CARNMT1: variants seen among roughly 807,000 people sequenced by gnomAD.
CARNMT1 encodes carnosine N-methyltransferase 1.
A neutral mutation model predicts 49.6 loss-of-function variants in CARNMT1; 28 were observed. The ratio of observed to expected loss-of-function variants is 0.56; its 90% confidence interval spans 0.42 to 0.77. The LOEUF is 0.77. Among genes scored for constraint, CARNMT1 ranks in the 30% least tolerant of loss-of-function variants. The pLI is 0.00. For missense variants in CARNMT1, 421 were observed against 512.6 expected (o/e 0.82, Z 1.73); for synonymous variants, 178 against 175.0 (o/e 1.02, Z -0.13).
rs745980129 is a variant in CARNMT1, at chr9:74,985,028, T to A, written c.1025-18A>T. 8 of 1,542,204 alleles carry A rather than the reference T, an allele frequency of 5.2e-6. No homozygotes were observed. The highest frequency in any genetic ancestry group is 7.2e-6 in the Non-Finnish European group (8 of 1,114,880). ...CAGAGGACCTATGGTTTAAAGATAC[T>A]ATGAATTACTTGAATATAAACATAC... On this transcript the variant is annotated intron_variant, in intron 6 of 7. Coordinates refer to ENST00000376834, the MANE Select transcript of CARNMT1 (RefSeq NM_152420.3).
At chr9:75,008,132 C>T (rs1490720533) in intron 3 of CARNMT1, among the ~76,000 whole-genome samples, 1 of 134,168 alleles carries the variant, frequency 7.5e-6, no homozygotes, top group Non-Finnish European at 1.5e-5. Flanking sequence ...TTGTCTTGGG[C>T]CACACATAAA....
At chr9:75,016,905 G>T in intron 2 of CARNMT1, 1 of 342,904 alleles carries the variant, frequency 2.9e-6, no homozygotes. Flanking sequence ...AACAGCAATA[G>T]ATACAAGACA....
chr9:75,013,672 A>T (rs1421630869), intron 3 of CARNMT1, among the ~76,000 whole-genome samples: 3 of 152,146 alleles, frequency 2.0e-5, no homozygotes, highest in Non-Finnish European at 4.4e-5. Flanking sequence ...TGTATGCTAT[A>T]TTATCTTTTG....
chr9:75,027,940 C>A, intron 1 of CARNMT1, 72 bp downstream of exon 1: 1 of 1,448,834 alleles, frequency 6.9e-7, no homozygotes, highest in African/African-American at 1.5e-5. Context: ...CGAGCGCCCC[C>A]GTTCCGGCGG....
At chr9:75,010,630 A>C (rs1002930531) in intron 3 of CARNMT1, among the ~76,000 whole-genome samples, 15 of 152,226 alleles carry the variant, frequency 9.9e-5, no homozygotes, top group African/African-American at 3.6e-4. Flanking sequence ...AGAAAGAAGT[A>C]GAGGAAATGA....
intron 3 of CARNMT1, among the ~76,000 whole-genome samples, chr9:75,014,004 ACCACATCCACTTACTT>A (rs368971306): frequency 5.5e-5 from 8 of 145,152 alleles, no homozygotes; most frequent in African/African-American, 1.3e-4. Context: ...AAAAAAAAAA[ACCACATCCACTTACTT>A]AAAAAAAAAA....
chr9:75,021,605 G>A (rs559687228), intron 1 of CARNMT1, among the ~76,000 whole-genome samples: 1 of 151,378 alleles, frequency 6.6e-6, no homozygotes, highest in African/African-American at 2.4e-5. Context: ...CTCTTCTAGA[G>A]GGAACCACTT....
intron 6 of CARNMT1, among the ~76,000 whole-genome samples, chr9:74,989,218 C>T (rs950973623): frequency 9.2e-5 from 14 of 152,008 alleles, no homozygotes; most frequent in African/African-American, 3.1e-4. Context: ...CTCCAGTGAT[C>T]CTCCCACCTC....
At chr9:74,994,046 G>A (rs756276709) in intron 6 of CARNMT1, among the ~76,000 whole-genome samples, 13 of 152,270 alleles carry the variant, frequency 8.5e-5, no homozygotes, top group Non-Finnish European at 1.6e-4. Context: ...AAATGAGGTC[G>A]TAAGGGTGGG....
At chr9:75,004,108 C>T (rs1037873716) in intron 3 of CARNMT1, among the ~76,000 whole-genome samples, 1 of 152,218 alleles carries the variant, frequency 6.6e-6, no homozygotes, top group Non-Finnish European at 1.5e-5. Flanking sequence ...CTCCTGACCT[C>T]AGGTGATCCA....
intron 1 of CARNMT1, among the ~76,000 whole-genome samples, chr9:75,022,856 C>G (rs753293465): frequency 1.3e-5 from 2 of 152,108 alleles, no homozygotes; most frequent in African/African-American, 4.8e-5. Flanking sequence ...AGTCATCAGC[C>G]GGGCATGGTG....
At chr9:74,993,917 G>A (rs935654832) in intron 6 of CARNMT1, among the ~76,000 whole-genome samples, 91 of 152,252 alleles carry the variant, frequency 6.0e-4, no homozygotes, top group African/African-American at 2.1e-3. Flanking sequence ...CAAACAGCGA[G>A]GAAAAAGAGA....
intron 3 of CARNMT1, among the ~76,000 whole-genome samples, chr9:75,007,340 A>G (rs1438455376): frequency 6.6e-6 from 1 of 152,234 alleles, no homozygotes; most frequent in Non-Finnish European, 1.5e-5. Flanking sequence ...AATATATCAC[A>G]TTAATGGAAG....
chr9:74,996,879 T>C (rs1833202697), intron 5 of CARNMT1, among the ~76,000 whole-genome samples: 1 of 152,234 alleles, frequency 6.6e-6, no homozygotes, highest in Non-Finnish European at 1.5e-5. Context: ...CTAGCCTTCA[T>C]TTAAAATCAC....
chr9:75,017,529 A>G lies in CARNMT1; in HGVS notation c.231-81T>C, dbSNP rs368839338. The G allele has an allele frequency of 2.6e-4, 307 of 1,197,888 alleles. No homozygotes were observed. In the African/African-American group the frequency reaches 4.2e-3, roughly 16 times the overall value. 74.2% of individuals were successfully genotyped at this position (1,197,888 alleles called of 1,614,324 possible). ...TCTTACTTTAAGGTTGTCTTTCTGTACAATTATTTCCTTATTATGCTGGAT... is the reference window on the plus strand; with the variant it reads ...TCTTACTTTAAGGTTGTCTTTCTGTGCAATTATTTCCTTATTATGCTGGAT... On this transcript the variant is annotated intron_variant, in intron 1 of 7. Transcript: ENST00000376834.
intron 5 of CARNMT1, among the ~76,000 whole-genome samples, chr9:74,997,902 C>A (rs1014871603): frequency 1.3e-5 from 2 of 152,092 alleles, no homozygotes; most frequent in African/African-American, 4.8e-5. Flanking sequence ...ATACCTAGTA[C>A]TTAGTAGGTG....
At position 75,027,998 on chromosome 9, in the gene CARNMT1, C is replaced by T. The variant is rs768900577; in HGVS notation, c.230+14G>A. On this transcript the variant is annotated intron_variant, in intron 1 of 7. Transcript: ENST00000376834. Reference sequence around the variant, plus strand: ...CCCGACGGTCTGGGCCGGGGTCCGCCACGGGCTCCTTACCCGTAGTAGCGG... The same window carrying T: ...CCCGACGGTCTGGGCCGGGGTCCGCTACGGGCTCCTTACCCGTAGTAGCGG... 1.3e-6 allele frequency: 2 copies of T among 1,555,426 alleles called. No homozygotes were observed. Among genetic ancestry groups the T allele is most frequent in the South Asian group, 2.4e-5 (2 of 85,102 alleles).
chr9:75,028,137 C>A lies in CARNMT1; in HGVS notation c.105G>T (p.Gly35=). The A allele has an allele frequency of 6.5e-7, 1 of 1,549,840 alleles. No individual in the cohort carries two copies. The highest frequency in any genetic ancestry group is 1.9e-5 in the Admixed American group (1 of 52,584). The change falls in exon 1 of 8, where the codon GGG becomes GGT. Residue 35 remains glycine (G), a synonymous_variant. Transcript: ENST00000376834. The part of the protein sequence containing the change: ...SEEVEVQFSA[G]RWGSAAAVSA... ...AAACCGCCGCGGCCGAGCCCCAACG[C>A]CCGGCGGAAAACTGCACTTCCACCT...
intron 6 of CARNMT1, among the ~76,000 whole-genome samples, chr9:74,991,925 G>C (rs1833031226): frequency 6.6e-6 from 1 of 152,048 alleles, no homozygotes; most frequent in Non-Finnish European, 1.5e-5. Context: ...CTACTATAAT[G>C]AGGAAAGGGC....
Sources: allele counts gnomAD v4.1 joint callset (sites outside exome capture counted in the v4.1 genomes callset), GRCh38; gene constraint gnomAD v4.1.1; transcripts MANE v1.5; gene names NCBI Gene and HGNC (gene_info 2026-07-23, HGNC 2026-07-21).